CNTNAP2: variants seen among roughly 807,000 people sequenced by gnomAD.
The protein encoded by CNTNAP2 is contactin associated protein 2.
Under a neutral mutation model 155.2 loss-of-function variants are expected in CNTNAP2, and 98 were observed. That is an observed-to-expected ratio of 0.63 (90% CI 0.54 to 0.75). The LOEUF is 0.75. Among genes scored for constraint, CNTNAP2 ranks in the 30% least tolerant of loss-of-function variants. The pLI, the probability that CNTNAP2 is intolerant of heterozygous loss-of-function variation, is 0.00. For synonymous variants in CNTNAP2, 651 were observed against 631.2 expected (o/e 1.03, Z -0.47); for missense variants, 1,727 against 1,688.1 (o/e 1.02, Z -0.40).
chr7:147,874,563 T>C (rs934814120), intron 13 of CNTNAP2, among the ~76,000 whole-genome samples: 13 of 152,406 alleles, frequency 8.5e-5, no homozygotes, highest in African/African-American at 3.1e-4. Flanking sequence ...GCCCAGCCCA[T>C]GAAACCATTT....
chr7:146,904,973 G>A (rs1292542980), intron 3 of CNTNAP2, among the ~76,000 whole-genome samples: 3 of 152,116 alleles, frequency 2.0e-5, no homozygotes, highest in Non-Finnish European at 2.9e-5. Flanking sequence ...TACTGGATGT[G>A]GCAATGAAGT....
intron 21 of CNTNAP2, among the ~76,000 whole-genome samples, chr7:148,366,637 A>G (rs1365351159): frequency 2.6e-5 from 4 of 152,270 alleles, no homozygotes; most frequent in African/African-American, 9.6e-5. Context: ...TTTTGAAGAC[A>G]ATAACTATTT....
rs894073146 is a variant in CNTNAP2 at position 146,640,074 on chromosome 7, T to C, written c.98-134197T>C. Among the ~76,000 whole-genome samples, 3 of 152,248 alleles carry C rather than the reference T, an allele frequency of 2.0e-5. No individual in the cohort carries two copies. In the South Asian group the frequency reaches 6.2e-4, roughly 32 times the overall value. On this transcript the variant is annotated intron_variant, in intron 1 of 23. Transcript: ENST00000361727. ...TGCCTGCCTGTGTACTCTACCTACCTGTTCTAATTCTGGGGATTATCAGGA... is the reference window on the plus strand; with the variant it reads ...TGCCTGCCTGTGTACTCTACCTACCCGTTCTAATTCTGGGGATTATCAGGA...
At position 146,989,530 on chromosome 7, in the gene CNTNAP2, A is replaced by T. The variant is rs1424402179; in HGVS notation, c.403-54377A>T. On this transcript the variant is annotated intron_variant, in intron 3 of 23. Coordinates refer to ENST00000361727, the MANE Select transcript of CNTNAP2 (RefSeq NM_014141.6). ...TATCCACTGGAGACTCCTTTAACAC[A>T]AACAAACAAACAAACCCACAAAAAG... Among the ~76,000 whole-genome samples, 3 of 129,924 alleles carry T rather than the reference A, an allele frequency of 2.3e-5. No homozygotes were observed. The East Asian group carries it at 6.3e-4, about 27-fold the overall frequency. The allele number at this position is 129,924 out of a possible 152,430, so 85.2% of individuals were successfully genotyped here.
In CNTNAP2 at chr7:146,163,577, C is replaced by CTATATA. The variant is rs1178679663; in HGVS notation, c.97+46607_97+46608insATATAT. Among the ~76,000 whole-genome samples the CTATATA allele has an allele frequency of 4.4e-5, 6 of 137,204 alleles. No individual in the cohort carries two copies. In the South Asian group the frequency reaches 6.7e-4, roughly 15 times the overall value. The allele number at this position is 137,204 out of a possible 152,430, so 90.0% of individuals were successfully genotyped here. The stretch of plus-strand genomic sequence containing the variant: ...TATATCTATATCTATCTATATCTAT[C>CTATATA]TATCTATCTATATATATATATATAT... On this transcript the variant is annotated intron_variant, in intron 1 of 23. Coordinates refer to ENST00000361727, the MANE Select transcript of CNTNAP2 (RefSeq NM_014141.6).
intron 13 of CNTNAP2, among the ~76,000 whole-genome samples, chr7:147,738,451 C>T (rs182840315): frequency 4.6e-5 from 7 of 152,236 alleles, no homozygotes; most frequent in African/African-American, 1.7e-4. Flanking sequence ...CAGCTTTCAA[C>T]AACAACTGCC....
At chr7:146,634,931 T>C (rs1210698254) in intron 1 of CNTNAP2, among the ~76,000 whole-genome samples, 3 of 152,198 alleles carry the variant, frequency 2.0e-5, no homozygotes, top group African/African-American at 7.2e-5. Flanking sequence ...GTTTCTAATA[T>C]GCAAGCAATT....
chr7:146,436,987 G>A (rs1377760569), intron 1 of CNTNAP2, among the ~76,000 whole-genome samples: 2 of 151,420 alleles, frequency 1.3e-5, no homozygotes, highest in African/African-American at 2.5e-5. Flanking sequence ...CCCAACTGCC[G>A]GGCCACAGAC....
intron 10 of CNTNAP2, among the ~76,000 whole-genome samples, chr7:147,443,033 T>G (rs1185892456): frequency 6.6e-6 from 1 of 152,104 alleles, no homozygotes; most frequent in African/African-American, 2.4e-5. Flanking sequence ...GGAGGTTGTG[T>G]GCCCCACCCT....
intron 20 of CNTNAP2, among the ~76,000 whole-genome samples, chr7:148,256,024 C>T (rs1796447841): frequency 6.6e-6 from 1 of 152,140 alleles, no homozygotes; most frequent in Non-Finnish European, 1.5e-5. Flanking sequence ...ACCTGAAAAT[C>T]CCCAAATGAA....
chr7:146,338,355 A>G (rs1801315017), intron 1 of CNTNAP2, among the ~76,000 whole-genome samples: 1 of 152,126 alleles, frequency 6.6e-6, no homozygotes, highest in African/African-American at 2.4e-5. Flanking sequence ...GCATTTAACT[A>G]CTGTAGATGG....
At chr7:148,291,820 A>T (rs1797195954) in intron 21 of CNTNAP2, among the ~76,000 whole-genome samples, 1 of 152,280 alleles carries the variant, frequency 6.6e-6, no homozygotes, top group East Asian at 1.9e-4. Flanking sequence ...CTACTTGTCA[A>T]TTTTTGAAAA....
intron 1 of CNTNAP2, among the ~76,000 whole-genome samples, chr7:146,200,485 TC>T (rs1369965808): frequency 2.0e-5 from 3 of 148,520 alleles, no homozygotes; most frequent in African/African-American, 7.5e-5. Flanking sequence ...AGAGCAATAC[TC>T]CGTCTAAACA....
intron 8 of CNTNAP2, among the ~76,000 whole-genome samples, chr7:147,174,959 A>G (rs1470165348): frequency 2.0e-5 from 3 of 152,130 alleles, no homozygotes; most frequent in African/African-American, 7.2e-5. Context: ...TTGAAATACT[A>G]TTTACATCAA....
At chr7:148,160,731 G>A (rs890945322) in intron 17 of CNTNAP2, among the ~76,000 whole-genome samples, 3 of 152,166 alleles carry the variant, frequency 2.0e-5, no homozygotes, top group African/African-American at 7.2e-5. Flanking sequence ...AGCTATTGAT[G>A]AAGGTGTTGT....
intron 3 of CNTNAP2, among the ~76,000 whole-genome samples, chr7:147,004,024 T>C (rs1798476973): frequency 6.6e-6 from 1 of 151,882 alleles, no homozygotes; most frequent in Non-Finnish European, 1.5e-5. Context: ...AGAGACCCTG[T>C]CTCAGAAATT....
chr7:147,529,371 T>C (rs964114317), intron 11 of CNTNAP2, among the ~76,000 whole-genome samples: 1 of 152,232 alleles, frequency 6.6e-6, no homozygotes. Flanking sequence ...TATTCATTCA[T>C]TTATTGATAT....
intron 12 of CNTNAP2, among the ~76,000 whole-genome samples, chr7:147,584,866 C>T (rs910918840): frequency 5.9e-5 from 9 of 152,178 alleles, no homozygotes; most frequent in African/African-American, 2.2e-4. Flanking sequence ...CTCACAAAAA[C>T]TCCCTATCCT....
At chr7:146,178,087 G>A (rs1798495957) in intron 1 of CNTNAP2, among the ~76,000 whole-genome samples, 1 of 152,144 alleles carries the variant, frequency 6.6e-6, no homozygotes, top group Non-Finnish European at 1.5e-5. Flanking sequence ...AGGCTAGAGT[G>A]TAGTGACGTG....
Sources: gnomAD v4.1 joint callset for allele counts (sites outside exome capture counted in the v4.1 genomes callset) on GRCh38, gnomAD v4.1.1 for gene constraint, MANE v1.5 for transcripts, NCBI Gene and HGNC (gene_info 2026-07-23, HGNC 2026-07-21) for gene names.